Variants in JAM3 observed in about 807,000 individuals in gnomAD.
The protein encoded by JAM3 is junctional adhesion molecule 3, also known as junctional adhesion molecule C.
In JAM3, 31 loss-of-function variants were observed where a neutral mutation model predicts 39.4. The ratio of observed to expected loss-of-function variants is 0.79; its 90% CI spans 0.59 to 1.06. JAM3 has a LOEUF of 1.06. JAM3 is among the 50% of genes least tolerant of loss of function. JAM3 has a pLI of 0.00. For synonymous variants in JAM3, 182 were observed against 148.7 expected, an observed-to-expected ratio of 1.22 and a Z score of -1.63; for missense variants, 455 against 391.4, an observed-to-expected ratio of 1.16 and a Z score of -1.37.
intron 1 of JAM3, among the ~76,000 whole-genome samples, chr11:134,117,207 CA>C (rs1390492018): frequency 1.3e-5 from 2 of 151,834 alleles, no homozygotes; most frequent in Non-Finnish European, 2.9e-5. Flanking sequence ...ACTAAAAGTA[CA>C]AAAAATAAAA....
Position 134,112,654 on chromosome 11 carries a change from G to A in JAM3, c.77-27197G>A, listed in dbSNP as rs541784174. Among the ~76,000 whole-genome samples the A allele has an allele frequency of 2.9e-4, 44 of 152,200 alleles. No individual in the cohort carries two copies. In the South Asian group the frequency reaches 9.1e-3, roughly 32 times the overall value. ...TCCTCCCAACAATCCTATGAGGTAG[G>A]TACTGCAATTACCCCAATTATAGAC... On this transcript the variant is annotated intron_variant, in intron 1 of 8. Coordinates refer to ENST00000299106, the MANE Select transcript of JAM3 (RefSeq NM_032801.5).
At chr11:134,115,489 T>C (rs1032669340) in intron 1 of JAM3, among the ~76,000 whole-genome samples, 1 of 152,216 alleles carries the variant, frequency 6.6e-6, no homozygotes, top group Non-Finnish European at 1.5e-5. Context: ...TTTTTGTTGG[T>C]TTATTAGCTA....
chr11:134,091,322 T>C (rs1337854562), intron 1 of JAM3, among the ~76,000 whole-genome samples: 2 of 152,002 alleles, frequency 1.3e-5, no homozygotes, highest in Non-Finnish European at 2.9e-5. Flanking sequence ...TGTGAAACCC[T>C]GTCTCTACTA....
chr11:134,102,617 A>G (rs1246354382), intron 1 of JAM3, among the ~76,000 whole-genome samples: 9 of 152,176 alleles, frequency 5.9e-5, no homozygotes, highest in Admixed American at 5.9e-4. Context: ...AAACCTTGAA[A>G]AAAGATTAGA....
chr11:134,087,499 AAGTT>A (rs1375296803), intron 1 of JAM3, among the ~76,000 whole-genome samples: 1 of 152,202 alleles, frequency 6.6e-6, no homozygotes, highest in Non-Finnish European at 1.5e-5. Flanking sequence ...TATTGCTTGA[AAGTT>A]AGTGGCACTC....
At chr11:134,101,391 ATATT>A (rs1942070564) in intron 1 of JAM3, among the ~76,000 whole-genome samples, 1 of 152,232 alleles carries the variant, frequency 6.6e-6, no homozygotes, top group Non-Finnish European at 1.5e-5. Context: ...GAAGACCAGA[ATATT>A]TATTCAAAGA....
At chr11:134,104,839 G>C (rs1349192048) in intron 1 of JAM3, among the ~76,000 whole-genome samples, 1 of 151,992 alleles carries the variant, frequency 6.6e-6, no homozygotes, top group Non-Finnish European at 1.5e-5. Context: ...CCAATAACAG[G>C]CTCTGAAATT....
chr11:134,134,964 T>C (rs1412799794), intron 1 of JAM3, among the ~76,000 whole-genome samples: 3 of 152,196 alleles, frequency 2.0e-5, no homozygotes, highest in Non-Finnish European at 4.4e-5. Context: ...TCTTTTCACT[T>C]TCTTGGTAGT....
intron 1 of JAM3, chr11:134,070,182 A>C (rs868349406): frequency 2.0e-5 from 9 of 456,138 alleles, no homozygotes; most frequent in African/African-American, 1.6e-4. Flanking sequence ...AGTCAAGTCT[A>C]GTCTGCTTTC....
intron 1 of JAM3, among the ~76,000 whole-genome samples, chr11:134,111,105 G>A (rs968362687): frequency 7.0e-6 from 1 of 142,418 alleles, no homozygotes; most frequent in African/African-American, 2.7e-5. Flanking sequence ...TACACTACAT[G>A]CCTGTACCAT....
chr11:134,078,741 T>C (rs972595481), intron 1 of JAM3, among the ~76,000 whole-genome samples: 1 of 152,196 alleles, frequency 6.6e-6, no homozygotes, highest in Non-Finnish European at 1.5e-5. Flanking sequence ...TTTCCTTTTT[T>C]AAATACAAAA....
At chr11:134,091,520 G>GGATA (rs71479586) in intron 1 of JAM3, among the ~76,000 whole-genome samples, 26,761 of 150,656 alleles carry the variant, frequency 0.18, 2,481 homozygotes, top group African/African-American at 0.22. Flanking sequence ...ATAGATAGAT[G>GGATA]GATAGATAGA....
intron 3 of JAM3, among the ~76,000 whole-genome samples, chr11:134,141,791 G>A (rs1029171362): frequency 6.6e-6 from 1 of 152,104 alleles, no homozygotes; most frequent in Non-Finnish European, 1.5e-5. Flanking sequence ...GGTGGCTGGA[G>A]AGGAGGATGG....
intron 1 of JAM3, among the ~76,000 whole-genome samples, chr11:134,071,749 G>A (rs1941487070): frequency 6.6e-6 from 1 of 152,064 alleles, no homozygotes. Flanking sequence ...CTCCAGTAAC[G>A]TTTTTTAGAA....
chr11:134,100,829 A>G (rs1166489045), intron 1 of JAM3, among the ~76,000 whole-genome samples: 2 of 152,222 alleles, frequency 1.3e-5, no homozygotes, highest in Non-Finnish European at 2.9e-5. Flanking sequence ...TCAAACTCAG[A>G]TGTTCTAGAG....
intron 1 of JAM3, among the ~76,000 whole-genome samples, chr11:134,103,426 C>A (rs1361699818): frequency 6.6e-6 from 1 of 152,176 alleles, no homozygotes; most frequent in African/African-American, 2.4e-5. Context: ...TTGTAAAGAC[C>A]ATCGATGCTA....
intron 4 of JAM3, 88 bp from the exon 5 acceptor site, chr11:134,144,704 C>A: frequency 8.0e-7 from 1 of 1,246,648 alleles, no homozygotes; most frequent in Non-Finnish European, 1.2e-6. Flanking sequence ...GACTGGCTGT[C>A]TTGTCTTTGG....
chr11:134,140,346 G>A (rs1053939860), intron 2 of JAM3, among the ~76,000 whole-genome samples: 26 of 152,096 alleles, frequency 1.7e-4, no homozygotes, highest in Admixed American at 1.6e-3. Flanking sequence ...CTGACCTCAG[G>A]TGATCCACCC....
chr11:134,124,176 T>C, intron 1 of JAM3: 5 of 1,464,572 alleles, frequency 3.4e-6, no homozygotes, highest in Non-Finnish European at 2.9e-6. Context: ...TGGAGCTTTA[T>C]CATACGTAGC....
Sources: allele counts gnomAD v4.1 joint callset (sites outside exome capture counted in the v4.1 genomes callset), GRCh38; gene constraint gnomAD v4.1.1; transcripts MANE v1.5; gene names NCBI Gene and HGNC (gene_info 2026-07-23, HGNC 2026-07-21).